The following LSM8 variants were observed in gnomAD, a reference collection of about 807,000 sequenced individuals.
LSM8 encodes LSM8 homolog, U6 small nuclear RNA associated, also known as LSM8 U6 small nuclear RNA associated.
A neutral mutation model predicts 15.0 loss-of-function variants in LSM8; 14 were observed. The observed-to-expected ratio is 0.93, with a 90% confidence interval of 0.62 to 1.46. LSM8 has a LOEUF of 1.46. Ranked by LOEUF, LSM8 falls within the 40% of genes most tolerant of loss-of-function variation. The probability of loss-of-function intolerance (pLI) is 0.00; values close to 1 mark genes in which losing one functional copy is unlikely to be tolerated. For missense variants in LSM8, 90 were observed against 115.4 expected, an observed-to-expected ratio of 0.78 and a Z score of 1.01; for synonymous variants, 50 against 42.1, an observed-to-expected ratio of 1.19 and a Z score of -0.73.
rs970326296 is a variant in LSM8, at chr7:118,196,235, G to GT, written c.*4234dup. On this transcript the variant is annotated 3_prime_UTR_variant, in exon 4 of 4. Coordinates refer to ENST00000249299, the MANE Select transcript of LSM8 (RefSeq NM_016200.5). Reference sequence around the variant, plus strand: ...GTGCTTGTGAAGCTTCTATCTGTCTGTATCTACCTCAACCAAATCATCTTG... The same window carrying GT: ...GTGCTTGTGAAGCTTCTATCTGTCTGTTATCTACCTCAACCAAATCATCTTG... Among the ~76,000 whole-genome samples, 6 of 152,178 alleles carry GT rather than the reference G, an allele frequency of 3.9e-5. No individual in the cohort carries two copies. Among genetic ancestry groups the GT allele is most frequent in the African/African-American group, 1.4e-4 (6 of 41,430 alleles).
Position 118,202,338 on chromosome 7 carries a change from C to T in LSM8, c.*10336C>T, listed in dbSNP as rs1375654784. On this transcript the variant is annotated 3_prime_UTR_variant, in exon 4 of 4. Coordinates refer to ENST00000249299, the MANE Select transcript of LSM8 (RefSeq NM_016200.5). ...ACAGGCAGGAGGAGTTCATTTATCT[C>T]GAGAGAAAAGAACAGAAAAGTGAAA... 2.0e-5 allele frequency among the ~76,000 whole-genome samples: 3 copies of T among 151,840 alleles called. No homozygotes were observed. The highest frequency in any genetic ancestry group is 7.3e-5 in the African/African-American group (3 of 41,350).
chr7:118,201,783 CTT>C lies in LSM8; in HGVS notation c.*9783_*9784del, dbSNP rs1026940137. ...TTTCATGTATACATTTGTGGTAACA[CTT>C]TAACTTTTTCCCTGTAAGGCCATCT... is the stretch of plus-strand genomic sequence containing the variant. On this transcript the variant is annotated 3_prime_UTR_variant, in exon 4 of 4. Transcript: ENST00000249299. Among the ~76,000 whole-genome samples, 3 of 152,050 alleles carry C rather than the reference CTT, an allele frequency of 2.0e-5. No individual in the cohort carries two copies. Among genetic ancestry groups the C allele is most frequent in the African/African-American group, 7.2e-5 (3 of 41,416 alleles).
chr7:118,189,453 T>G (rs1436747014), intron 3 of LSM8: 1 of 152,294 alleles, frequency 6.6e-6, no homozygotes, highest in African/African-American at 2.4e-5. Context: ...CTCGGGAGGC[T>G]GAGTCAGGAG....
At position 118,202,236 on chromosome 7, in the gene LSM8, G is replaced by T. The variant is rs535911278; in HGVS notation, c.*10234G>T. ...GAAGTGTCATATGAAAGGAAGTTAC[G>T]ATTATTATTGGTGAGTACATCAGTT... On this transcript the variant is annotated 3_prime_UTR_variant, in exon 4 of 4. Coordinates refer to ENST00000249299, the MANE Select transcript of LSM8 (RefSeq NM_016200.5). Among the ~76,000 whole-genome samples the T allele has an allele frequency of 6.6e-6, 1 of 152,166 alleles. No homozygotes were observed. The highest frequency in any genetic ancestry group is 2.1e-4 in the South Asian group (1 of 4,828).
rs1258314607 is a variant in LSM8, at chr7:118,195,756, G to T, written c.*3754G>T. On this transcript the variant is annotated 3_prime_UTR_variant, in exon 4 of 4. Transcript: ENST00000249299. ...CTTATTTTGGGTTTAAAAAAACTTGGGCTGTGAATCTCAGTTTTAAGTCAT... is the reference window on the plus strand; with the variant it reads ...CTTATTTTGGGTTTAAAAAAACTTGTGCTGTGAATCTCAGTTTTAAGTCAT... Among the ~76,000 whole-genome samples the T allele has an allele frequency of 6.6e-6, 1 of 151,852 alleles. No homozygotes were observed. The highest frequency in any genetic ancestry group is 1.9e-4 in the East Asian group (1 of 5,196).
chr7:118,188,126 G>A (rs1584705902), intron 2 of LSM8, 152 bp from the exon 3 acceptor site: 4 of 776,490 alleles, frequency 5.2e-6, no homozygotes, highest in African/African-American at 3.5e-5. Flanking sequence ...GTGTACCCTC[G>A]AATACTGTTG....
chr7:118,193,994 C>A lies in LSM8; in HGVS notation c.*1992C>A, dbSNP rs565575071. The stretch of plus-strand genomic sequence containing the variant: ...GAATTATTGTTTTTATGAATAGTTA[C>A]AGAGGATGTGATGACAATATGCCAG... On this transcript the variant is annotated 3_prime_UTR_variant, in exon 4 of 4. Transcript: ENST00000249299. Among the ~76,000 whole-genome samples, 5 of 152,094 alleles carry A rather than the reference C, an allele frequency of 3.3e-5. No individual in the cohort carries two copies. The highest frequency in any genetic ancestry group is 1.2e-4 in the African/African-American group (5 of 41,538).
chr7:118,190,731 A>G (rs1206104324), intron 3 of LSM8: 2 of 152,148 alleles, frequency 1.3e-5, no homozygotes, highest in Admixed American at 6.5e-5. Context: ...CCAGAGTTTC[A>G]TATTTTTCAT....
At chr7:118,186,232 A>G (rs1434614514) in intron 2 of LSM8, among the ~76,000 whole-genome samples, 1 of 152,166 alleles carries the variant, frequency 6.6e-6, no homozygotes, top group Non-Finnish European at 1.5e-5. Flanking sequence ...TTGCTAATTT[A>G]TGTCATATAA....
In LSM8 at chr7:118,190,398, GAA is replaced by G. The variant is rs1477049920; in HGVS notation, c.201-1509_201-1508del. On this transcript the variant is annotated intron_variant, in intron 3 of 3. Coordinates refer to ENST00000249299, the MANE Select transcript of LSM8 (RefSeq NM_016200.5). The stretch of plus-strand genomic sequence containing the variant: ...CAATTTTTTTTTCTTGAACTTCAGT[GAA>G]AAAAGTCTTGTGCTAGAGCCAGCTT... The G allele has an allele frequency of 2.0e-5, 3 of 152,160 alleles. No homozygotes were observed. In the East Asian group the frequency reaches 5.8e-4, roughly 29 times the overall value. 9.4% of individuals were successfully genotyped at this position (152,160 alleles called of 1,614,324 possible). A position where few individuals can be genotyped will look rare whatever the true frequency, so the allele number is the denominator to read the frequency against.
Position 118,203,741 on chromosome 7 carries a change from T to A in LSM8, c.*11739T>A, listed in dbSNP as rs7797855. Among the ~76,000 whole-genome samples, 129 of 151,690 alleles carry A rather than the reference T, an allele frequency of 8.5e-4. 1 individual carries two copies. The highest frequency in any genetic ancestry group is 8.2e-3 in the Admixed American group (125 of 15,210). ...TATGATTCTATAGTAACAGTTTAGT[T>A]GAGAAAATAAATCATAATTTGTGAT... On this transcript the variant is annotated 3_prime_UTR_variant, in exon 4 of 4. Transcript: ENST00000249299.
In LSM8 at chr7:118,195,767, TCA is replaced by T. The variant is rs1250003000; in HGVS notation, c.*3766_*3767del. On this transcript the variant is annotated 3_prime_UTR_variant, in exon 4 of 4. Transcript: ENST00000249299. ...TTTAAAAAAACTTGGGCTGTGAATCTCAGTTTTAAGTCATGGGCAAATTTGAT... is the reference window on the plus strand; with the variant it reads ...TTTAAAAAAACTTGGGCTGTGAATCTGTTTTAAGTCATGGGCAAATTTGAT... 2.0e-5 allele frequency among the ~76,000 whole-genome samples: 3 copies of T among 152,198 alleles called. No individual in the cohort carries two copies. The highest frequency in any genetic ancestry group is 1.5e-5 in the Non-Finnish European group (1 of 68,038).
At chr7:118,184,556 T>C (rs988778611) in intron 1 of LSM8, 1 of 295,266 alleles carries the variant, frequency 3.4e-6, no homozygotes. Context: ...CCCTATGGCA[T>C]AAGTGTTAAA....
Position 118,196,120 on chromosome 7 carries a change from T to C in LSM8, c.*4118T>C, listed in dbSNP as rs1259960529. 1.3e-5 allele frequency among the ~76,000 whole-genome samples: 2 copies of C among 152,152 alleles called. No individual in the cohort carries two copies. Among genetic ancestry groups the C allele is most frequent in the Admixed American group, 1.3e-4 (2 of 15,274 alleles). Reference sequence around the variant, plus strand: ...TCCACAAACTTCAAAAAAATAGATTTTGGAATTTTGTCAGGGACACTTATC... The same window carrying C: ...TCCACAAACTTCAAAAAAATAGATTCTGGAATTTTGTCAGGGACACTTATC... On this transcript the variant is annotated 3_prime_UTR_variant, in exon 4 of 4. Transcript: ENST00000249299.
In LSM8 at chr7:118,198,110, G is replaced by GT. The variant is rs1809110914; in HGVS notation, c.*6109dup. The stretch of plus-strand genomic sequence containing the variant: ...TTGTAAATGAAAGTATGCTTCCCTG[G>GT]TGCAAAGGTAATGTGATGTTTTTAA... On this transcript the variant is annotated 3_prime_UTR_variant, in exon 4 of 4. Coordinates refer to ENST00000249299, the MANE Select transcript of LSM8 (RefSeq NM_016200.5). 6.6e-6 allele frequency among the ~76,000 whole-genome samples: 1 copy of GT among 152,068 alleles called. No homozygotes were observed. Among genetic ancestry groups the GT allele is most frequent in the Non-Finnish European group, 1.5e-5 (1 of 67,994 alleles).
At position 118,200,243 on chromosome 7, in the gene LSM8, T is replaced by G. The variant is rs924340249; in HGVS notation, c.*8241T>G. Among the ~76,000 whole-genome samples, 1 of 152,076 alleles carries G rather than the reference T, an allele frequency of 6.6e-6. No individual in the cohort carries two copies. Among genetic ancestry groups the G allele is most frequent in the Non-Finnish European group, 1.5e-5 (1 of 67,996 alleles). On this transcript the variant is annotated 3_prime_UTR_variant, in exon 4 of 4. Coordinates refer to ENST00000249299, the MANE Select transcript of LSM8 (RefSeq NM_016200.5). ...CATTATATTGGCTTTGTAGAGCCAT[T>G]GGAGGGAGTAATAGTTTCAGAGTCA... is the stretch of plus-strand genomic sequence containing the variant.
chr7:118,196,674 G>A lies in LSM8; in HGVS notation c.*4672G>A, dbSNP rs1809081635. Among the ~76,000 whole-genome samples, 1 of 146,340 alleles carries A rather than the reference G, an allele frequency of 6.8e-6. No individual in the cohort carries two copies. Among genetic ancestry groups the A allele is most frequent in the African/African-American group, 2.5e-5 (1 of 39,932 alleles). Reference sequence around the variant, plus strand: ...CTTTTCATTTCCTTCTTTTTTTAATGTTTCTTTTTTTTTAAGTCCTTTAAT... The same window carrying A: ...CTTTTCATTTCCTTCTTTTTTTAATATTTCTTTTTTTTTAAGTCCTTTAAT... On this transcript the variant is annotated 3_prime_UTR_variant, in exon 4 of 4. Transcript: ENST00000249299.
At position 118,192,160 on chromosome 7, in the gene LSM8, A is replaced by G. The variant is rs1011670866; in HGVS notation, c.*158A>G. 2.1e-6 allele frequency: 1 copy of G among 476,886 alleles called. No homozygotes were observed. The highest frequency in any genetic ancestry group is 2.0e-5 in the African/African-American group (1 of 49,714). The allele number at this position is 476,886 out of a possible 1,614,324, so 29.5% of individuals were successfully genotyped here. On this transcript the variant is annotated 3_prime_UTR_variant, in exon 4 of 4. Coordinates refer to ENST00000249299, the MANE Select transcript of LSM8 (RefSeq NM_016200.5). Reference sequence around the variant, plus strand: ...AAATATTTCTACATTTTATTGAAAAAAAAACCTTTTTTTTTGCCTAAATAT... The same window carrying G: ...AAATATTTCTACATTTTATTGAAAAGAAAACCTTTTTTTTTGCCTAAATAT...
rs1352504307 is a variant in LSM8, at chr7:118,192,089, T to G, written c.*87T>G. 2.4e-6 allele frequency: 2 copies of G among 829,770 alleles called. No individual in the cohort carries two copies. Among genetic ancestry groups the G allele is most frequent in the Non-Finnish European group, 3.6e-6 (2 of 549,210 alleles). The allele number at this position is 829,770 out of a possible 1,614,324, so 51.4% of individuals were successfully genotyped here. On this transcript the variant is annotated 3_prime_UTR_variant, in exon 4 of 4. Transcript: ENST00000249299. ...GATATATGGAGTTTTTATGAGTGTGTCACTGGATTTTGACTCCTTATTGAT... is the reference window on the plus strand; with the variant it reads ...GATATATGGAGTTTTTATGAGTGTGGCACTGGATTTTGACTCCTTATTGAT...
Sources: allele counts gnomAD v4.1 joint callset (sites outside exome capture counted in the v4.1 genomes callset), GRCh38; gene constraint gnomAD v4.1.1; transcripts MANE v1.5; gene names NCBI Gene and HGNC (gene_info 2026-07-23, HGNC 2026-07-21).